The following FER variants were observed in gnomAD, a reference collection of about 807,000 sequenced individuals.
FER encodes FER tyrosine kinase, also known as tyrosine-protein kinase Fer.
FER carries 63 observed loss-of-function variants against 111.0 expected under a neutral mutation model. That is an observed-to-expected ratio of 0.57 (90% CI 0.46 to 0.70). The LOEUF is 0.70. Ranked by LOEUF, FER falls within the 30% of genes least tolerant of loss-of-function variation. The pLI, the probability that FER is intolerant of heterozygous loss-of-function variation, is 0.00. For missense variants in FER, 914 were observed against 954.0 expected (o/e 0.96, Z 0.55); for synonymous variants, 327 against 313.9 (o/e 1.04, Z -0.44).
chr5:108,935,463 AC>A (rs1201466382), intron 10 of FER, among the ~76,000 whole-genome samples: 1 of 152,046 alleles, frequency 6.6e-6, no homozygotes, highest in African/African-American at 2.4e-5. Flanking sequence ...GAGACCCTTG[AC>A]TTAATTAAAT....
At chr5:109,037,363 C>T in intron 13 of FER, 59 bp from the exon 14 acceptor site, 2 of 1,442,778 alleles carry the variant, frequency 1.4e-6, no homozygotes, top group Non-Finnish European at 1.9e-6. Flanking sequence ...GGCTCAAATG[C>T]AACTTCAAGA....
chr5:108,954,821 A>G lies in FER; in HGVS notation c.1422A>G (p.Leu474=). 6.2e-7 allele frequency: 1 copy of G among 1,612,528 alleles called. No homozygotes were observed. The highest frequency in any genetic ancestry group is 8.5e-7 in the Non-Finnish European group (1 of 1,179,158). ...CCAGAATAGAAGCTCAAGAACTGTT[A>G]AAAAAACAAGGAGACTTTTTGGTGC... ...AIPRIEAQEL[L]KKQGDFLVRE... Residue 474 remains leucine (L), a synonymous_variant, in exon 12 of 20, where the codon TTA becomes TTG. Coordinates refer to ENST00000281092, the MANE Select transcript of FER (RefSeq NM_005246.4).
At chr5:108,888,973 T>C (rs886894710) in intron 9 of FER, among the ~76,000 whole-genome samples, 6 of 151,922 alleles carry the variant, frequency 3.9e-5, no homozygotes, top group African/African-American at 1.4e-4. Flanking sequence ...ATTAAGATAG[T>C]GTCTCTGAGT....
At chr5:109,182,998 C>T (rs900291392) in intron 18 of FER, among the ~76,000 whole-genome samples, 8 of 152,196 alleles carry the variant, frequency 5.3e-5, no homozygotes, top group South Asian at 4.1e-4. Context: ...TGAGCCATTG[C>T]GCCCAGTCTC....
At chr5:108,883,647 G>A in intron 9 of FER, 129 bp downstream of exon 9, 2 of 754,140 alleles carry the variant, frequency 2.7e-6, no homozygotes, top group Non-Finnish European at 3.8e-6. Context: ...ATGAAGTTTT[G>A]TATAGTTAAT....
intron 13 of FER, among the ~76,000 whole-genome samples, chr5:109,007,790 G>T (rs1183636055): frequency 3.3e-5 from 5 of 152,092 alleles, no homozygotes; most frequent in Admixed American, 2.0e-4. Context: ...TGAGATTGGT[G>T]GTTTGTCTAG....
chr5:108,964,695 T>C (rs1388107288), intron 13 of FER, among the ~76,000 whole-genome samples: 2 of 152,170 alleles, frequency 1.3e-5, no homozygotes, highest in African/African-American at 2.4e-5. Context: ...TGAGTAGAAA[T>C]TCAGCATAAA....
At chr5:108,999,175 T>A (rs1764390722) in intron 13 of FER, among the ~76,000 whole-genome samples, 1 of 152,202 alleles carries the variant, frequency 6.6e-6, no homozygotes, top group African/African-American at 2.4e-5. Flanking sequence ...CTTCTCTGAT[T>A]TCTCCTTCCT....
rs574433516 is a variant in FER, at chr5:109,085,807, C to T, written c.1925-14589C>T. ...TAATGCTTTCCTGTATCTATTGATACGATTACATGATTTTTCTCCTTTTCC... is the reference window on the plus strand; with the variant it reads ...TAATGCTTTCCTGTATCTATTGATATGATTACATGATTTTTCTCCTTTTCC... On this transcript the variant is annotated intron_variant, in intron 16 of 19. Transcript: ENST00000281092. Among the ~76,000 whole-genome samples the T allele has an allele frequency of 8.6e-5, 13 of 151,778 alleles. No individual in the cohort carries two copies. The East Asian group carries it at 9.7e-4, about 11-fold the overall frequency.
chr5:109,116,421 C>T (rs181328097), intron 17 of FER, among the ~76,000 whole-genome samples: 100 of 125,542 alleles, frequency 8.0e-4, no homozygotes, highest in Middle Eastern at 4.0e-3. Context: ...GATTATTCCC[C>T]CCGCCAAAAA....
chr5:108,815,191 G>C (rs561117172), intron 3 of FER, among the ~76,000 whole-genome samples: 1 of 152,072 alleles, frequency 6.6e-6, no homozygotes, highest in Admixed American at 6.6e-5. Context: ...ACTTTGAATA[G>C]GTGTATTTTT....
intron 13 of FER, among the ~76,000 whole-genome samples, chr5:108,982,732 A>G (rs761649260): frequency 6.6e-6 from 1 of 152,104 alleles, no homozygotes; most frequent in Non-Finnish European, 1.5e-5. Flanking sequence ...GGTTGAGTCA[A>G]GAAAGCTACT....
chr5:108,884,523 G>GTTT (rs745314028), intron 9 of FER, among the ~76,000 whole-genome samples: 1 of 146,028 alleles, frequency 6.8e-6, no homozygotes, highest in Non-Finnish European at 1.5e-5. Flanking sequence ...TTTTTTTTTT[G>GTTT]TTTGTTTGTT....
chr5:108,862,788 GTTCAAT>G (rs1291039080), intron 5 of FER, among the ~76,000 whole-genome samples: 1 of 151,598 alleles, frequency 6.6e-6, no homozygotes, highest in Non-Finnish European at 1.5e-5. Flanking sequence ...GAATTAATTT[GTTCAAT>G]TTCAAGTAGT....
chr5:108,776,105 C>A (rs1385643807), intron 2 of FER, among the ~76,000 whole-genome samples: 1 of 152,230 alleles, frequency 6.6e-6, no homozygotes, highest in East Asian at 1.9e-4. Flanking sequence ...GATAATATAA[C>A]TTGAACCATA....
At chr5:108,902,617 T>C (rs926554301) in intron 10 of FER, among the ~76,000 whole-genome samples, 25 of 152,188 alleles carry the variant, frequency 1.6e-4, no homozygotes, top group African/African-American at 6.0e-4. Context: ...GGGAGGACCA[T>C]AGTGTAATGG....
At chr5:109,123,338 A>G (rs761014437) in intron 17 of FER, among the ~76,000 whole-genome samples, 5 of 151,446 alleles carry the variant, frequency 3.3e-5, no homozygotes, top group Non-Finnish European at 7.4e-5. Context: ...TTGTATTTTT[A>G]TTAGAGACAG....
At chr5:109,094,988 G>A (rs1159365050) in intron 16 of FER, among the ~76,000 whole-genome samples, 1 of 152,034 alleles carries the variant, frequency 6.6e-6, no homozygotes, top group Admixed American at 6.6e-5. Flanking sequence ...TCTTGAACAA[G>A]CAACTTAAAA....
intron 5 of FER, among the ~76,000 whole-genome samples, chr5:108,845,605 T>G (rs753114671): frequency 2.0e-5 from 3 of 152,036 alleles, no homozygotes; most frequent in Non-Finnish European, 4.4e-5. Flanking sequence ...CTCCTTCTTT[T>G]TCTTTTTCTT....
Sources: allele counts gnomAD v4.1 joint callset (sites outside exome capture counted in the v4.1 genomes callset), GRCh38; gene constraint gnomAD v4.1.1; transcripts MANE v1.5; gene names NCBI Gene and HGNC (gene_info 2026-07-23, HGNC 2026-07-21).